SPAG16: variants seen among roughly 807,000 people sequenced by gnomAD.
SPAG16 encodes sperm associated antigen 16.
A neutral mutation model predicts 80.4 loss-of-function variants in SPAG16; 86 were observed. The ratio of observed to expected loss-of-function variants is 1.07; its 90% CI spans 0.90 to 1.28. The LOEUF (loss-of-function observed/expected upper bound fraction) is 1.28. SPAG16 is among the 50% of genes most tolerant of loss of function. SPAG16 has a pLI of 0.00. For synonymous variants in SPAG16, 294 were observed against 265.9 expected, an observed-to-expected ratio of 1.11 and a Z score of -1.03; for missense variants, 870 against 765.3, an observed-to-expected ratio of 1.14 and a Z score of -1.61.
chr2:213,386,008 T>C (rs2067410582), intron 9 of SPAG16, among the ~76,000 whole-genome samples: 1 of 152,208 alleles, frequency 6.6e-6, no homozygotes, highest in South Asian at 2.1e-4. Context: ...CAGCAATTTA[T>C]GTTTTGAGAT....
chr2:214,289,543 T>A (rs116095108), intron 15 of SPAG16, among the ~76,000 whole-genome samples: 1 of 152,172 alleles, frequency 6.6e-6, no homozygotes, highest in Non-Finnish European at 1.5e-5. Context: ...TGGCAATAAA[T>A]ATATGGATTT....
intron 9 of SPAG16, among the ~76,000 whole-genome samples, chr2:213,407,883 CAGAG>C (rs553543094): frequency 4.5e-4 from 21 of 47,164 alleles, no homozygotes; most frequent in African/African-American, 1.0e-3. Context: ...AGGAGAGAGG[CAGAG>C]AGAGAGAGAC....
rs75470831 is a variant in SPAG16, at chr2:214,155,201, C to T, written c.1720+5935C>T. On this transcript the variant is annotated intron_variant, in intron 15 of 15. Coordinates refer to ENST00000331683, the MANE Select transcript of SPAG16 (RefSeq NM_024532.5). ...GTCTTCAGCTGGCTAAGAGTGAATA[C>T]ATGAAAGCCTGAGGCCAGAAAAAAA... 7.9e-5 allele frequency among the ~76,000 whole-genome samples: 12 copies of T among 152,196 alleles called. No individual in the cohort carries two copies. In the East Asian group the frequency reaches 2.3e-3, roughly 30 times the overall value.
At chr2:213,873,275 T>A (rs969662290) in intron 11 of SPAG16, among the ~76,000 whole-genome samples, 6 of 152,022 alleles carry the variant, frequency 3.9e-5, no homozygotes, top group African/African-American at 1.4e-4. Context: ...TTGCTGCCAT[T>A]TTTTTCTCAT....
intron 10 of SPAG16, among the ~76,000 whole-genome samples, chr2:213,648,595 G>GAC (rs10538676): frequency 0.014 from 2,060 of 149,562 alleles, 24 homozygotes; most frequent in East Asian, 0.028. Context: ...GGCACACACA[G>GAC]ACACACACAC....
intron 10 of SPAG16, among the ~76,000 whole-genome samples, chr2:213,748,994 A>C (rs2125480303): frequency 6.6e-6 from 1 of 152,138 alleles, no homozygotes; most frequent in African/African-American, 2.4e-5. Flanking sequence ...TAAAAATACA[A>C]AAGTTAGCTG....
intron 9 of SPAG16, among the ~76,000 whole-genome samples, chr2:213,435,408 G>A (rs1165509934): frequency 6.6e-6 from 1 of 152,094 alleles, no homozygotes; most frequent in Non-Finnish European, 1.5e-5. Flanking sequence ...GCAGGGGTGA[G>A]GGACAAGAAA....
At chr2:214,106,062 A>C (rs989725011) in intron 13 of SPAG16, among the ~76,000 whole-genome samples, 4 of 152,186 alleles carry the variant, frequency 2.6e-5, no homozygotes, top group African/African-American at 4.8e-5. Flanking sequence ...TACACTTTTC[A>C]TTACCAATTA....
intron 13 of SPAG16, among the ~76,000 whole-genome samples, chr2:214,023,755 C>A (rs1015970): frequency 6.6e-6 from 1 of 151,456 alleles, no homozygotes; most frequent in Non-Finnish European, 1.5e-5. Context: ...GCATACACAT[C>A]ACAAATATCA....
chr2:213,978,416 C>T (rs962871495), intron 12 of SPAG16, among the ~76,000 whole-genome samples: 2 of 152,092 alleles, frequency 1.3e-5, no homozygotes, highest in Non-Finnish European at 2.9e-5. Context: ...GCAGCCTCCT[C>T]AACGTCAAAA....
intron 5 of SPAG16, among the ~76,000 whole-genome samples, chr2:213,321,450 A>G (rs972645511): frequency 5.9e-5 from 9 of 152,118 alleles, no homozygotes; most frequent in African/African-American, 1.9e-4. Context: ...GAGTCAAGCT[A>G]TGTTAAAGAG....
At chr2:213,581,536 G>A (rs1420795779) in intron 10 of SPAG16, among the ~76,000 whole-genome samples, 2 of 151,936 alleles carry the variant, frequency 1.3e-5, no homozygotes, top group Non-Finnish European at 2.9e-5. Context: ...GGCCCTAAAT[G>A]TTCTTCAGAA....
At position 213,371,396 on chromosome 2, in the gene SPAG16, C is replaced by CA. The variant is rs1161878780; in HGVS notation, c.833-3592dup. On this transcript the variant is annotated intron_variant, in intron 8 of 15. Transcript: ENST00000331683. ...CTGGCAACACAGCAAGACCGTGTCT[C>CA]AAAAAAAAAAAAAAAAAAAAAAGAA... 2.6e-3 allele frequency among the ~76,000 whole-genome samples: 123 copies of CA among 47,290 alleles called. 2 individuals are homozygous for CA. The highest frequency in any genetic ancestry group is 7.7e-3 in the African/African-American group (118 of 15,420). 31.0% of individuals were successfully genotyped at this position (47,290 alleles called of 152,430 possible).
At chr2:213,288,969 A>G (rs2062162763) in intron 1 of SPAG16, among the ~76,000 whole-genome samples, 2 of 152,216 alleles carry the variant, frequency 1.3e-5, no homozygotes, top group Non-Finnish European at 1.5e-5. Context: ...TACTAAATCC[A>G]GAGTGTTGAT....
intron 8 of SPAG16, among the ~76,000 whole-genome samples, chr2:213,366,709 A>T (rs1407115427): frequency 6.6e-6 from 1 of 152,192 alleles, no homozygotes; most frequent in East Asian, 1.9e-4. Flanking sequence ...TTGGGTGGGG[A>T]CACAGCCCAA....
intron 10 of SPAG16, among the ~76,000 whole-genome samples, chr2:213,528,572 A>G (rs1238828736): frequency 6.6e-6 from 1 of 152,130 alleles, no homozygotes; most frequent in Non-Finnish European, 1.5e-5. Context: ...GTGTAAAACC[A>G]GAAGTGACTT....
chr2:214,244,718 C>T (rs1421262510), intron 15 of SPAG16, among the ~76,000 whole-genome samples: 1 of 151,948 alleles, frequency 6.6e-6, no homozygotes, highest in Non-Finnish European at 1.5e-5. Context: ...ACTAATGCTC[C>T]ATTGGTTTAA....
At chr2:213,966,687 C>T (rs2044727452) in intron 12 of SPAG16, among the ~76,000 whole-genome samples, 1 of 152,104 alleles carries the variant, frequency 6.6e-6, no homozygotes, top group Non-Finnish European at 1.5e-5. Flanking sequence ...GAGCAATAAT[C>T]CTTATTAAAA....
intron 14 of SPAG16, among the ~76,000 whole-genome samples, chr2:214,142,777 C>T (rs1021133779): frequency 1.1e-4 from 16 of 152,126 alleles, no homozygotes; most frequent in African/African-American, 3.6e-4. Flanking sequence ...CATTAGCCGG[C>T]AACTTTTGTC....
Sources: gnomAD v4.1 joint callset for allele counts (sites outside exome capture counted in the v4.1 genomes callset) on GRCh38, gnomAD v4.1.1 for gene constraint, MANE v1.5 for transcripts, NCBI Gene and HGNC (gene_info 2026-07-23, HGNC 2026-07-21) for gene names.